Variants in COL18A1 observed in about 807,000 individuals in gnomAD.
The protein encoded by COL18A1 is collagen type XVIII alpha 1 chain.
COL18A1 carries 133 observed loss-of-function variants against 168.0 expected under a neutral mutation model. The observed-to-expected ratio is 0.79, with a 90% confidence interval of 0.69 to 0.91. The LOEUF (loss-of-function observed/expected upper bound fraction) is 0.91, where lower values mean the gene tolerates loss of function less well. Among genes scored for constraint, COL18A1 ranks in the 40% least tolerant of loss-of-function variants. COL18A1 has a pLI of 0.00. For missense variants in COL18A1, 2,126 were observed against 1,925.4 expected (o/e 1.10, Z -1.95); for synonymous variants, 949 against 809.0 (o/e 1.17, Z -2.94).
At chr21:45,510,364 C>A in intron 40 of COL18A1, 103 bp downstream of exon 40, 1 of 1,298,330 alleles carries the variant, frequency 7.7e-7, no homozygotes, top group Non-Finnish European at 1.1e-6. Context: ...TGGAGGCCAC[C>A]ATGTTACAGA....
chr21:45,510,115 C>T lies in COL18A1; in HGVS notation c.3547C>T (p.Arg1183Cys), dbSNP rs746594158. ...CCTGTCAGGCGGCATGCGGGGCATCCGCGGGGCCGACTTCCAGTGCTTCCA... is the reference window on the plus strand; with the variant it reads ...CCTGTCAGGCGGCATGCGGGGCATCTGCGGGGCCGACTTCCAGTGCTTCCA... Reference protein sequence around the residue: ...SPLSGGMRGIRGADFQCFQQA... With the variant: ...SPLSGGMRGICGADFQCFQQA... Residue 1183 changes from arginine (R) to cysteine (C), a missense_variant, in exon 40 of 42, where the codon CGC (arginine) becomes TGC (cysteine). By Grantham distance (180) the Arg-to-Cys change is radical (BLOSUM62 -3). Coordinates refer to ENST00000651438, the MANE Select transcript of COL18A1 (RefSeq NM_001379500.1). 3.6e-5 allele frequency: 58 copies of T among 1,596,166 alleles called. No homozygotes were observed. The highest frequency in any genetic ancestry group is 5.1e-5 in the Admixed American group (3 of 58,516).
At chr21:45,441,225 C>T (rs1408303150) in intron 2 of COL18A1, among the ~76,000 whole-genome samples, 1 of 152,196 alleles carries the variant, frequency 6.6e-6, no homozygotes, top group Non-Finnish European at 1.5e-5. Flanking sequence ...CCTGCGTGGC[C>T]CTGGTCCCTC....
In COL18A1 at chr21:45,458,513, C is replaced by T. The variant is rs1013033000; in HGVS notation, c.107-9729C>T. ...AGATTCCTGGGTCCCACTCATCCTC[C>T]GTCCCTGGAACACCCAAATGCCCAG... On this transcript the variant is annotated intron_variant, in intron 2 of 41. Transcript: ENST00000651438. Among the ~76,000 whole-genome samples, 24 of 152,244 alleles carry T rather than the reference C, an allele frequency of 1.6e-4. No homozygotes were observed. The East Asian group carries it at 3.3e-3, about 21-fold the overall frequency.
At position 45,457,002 on chromosome 21, in the gene COL18A1, C is replaced by T. The variant is rs951652136; in HGVS notation, c.107-11240C>T. On this transcript the variant is annotated intron_variant, in intron 2 of 41. Coordinates refer to ENST00000651438, the MANE Select transcript of COL18A1 (RefSeq NM_001379500.1). The surrounding 1 kb of genome is among the most constrained non-coding windows in gnomAD (Gnocchi z 4.6). ...CATCGAATCTCTACGTTCAGGGGCC[C>T]GTGGCCCTCGGGAGGTGGGAGAGCT... 17 of 829,736 alleles carry T rather than the reference C, an allele frequency of 2.0e-5. No individual in the cohort carries two copies. The highest frequency in any genetic ancestry group is 3.6e-5 in the African/African-American group (2 of 55,162). 51.4% of individuals were successfully genotyped at this position (829,736 alleles called of 1,614,324 possible). A position where few individuals can be genotyped will look rare whatever the true frequency, so the allele number is the denominator to read the frequency against.
intron 4 of COL18A1, among the ~76,000 whole-genome samples, chr21:45,475,131 GGAGCATC>G (rs2035601438): frequency 6.6e-6 from 1 of 152,234 alleles, no homozygotes; most frequent in African/African-American, 2.4e-5. Context: ...ACCTGTGCGG[GGAGCATC>G]TGCGGTGCGG....
chr21:45,499,731 A>G (rs530269519), intron 32 of COL18A1, among the ~76,000 whole-genome samples: 2 of 152,336 alleles, frequency 1.3e-5, no homozygotes, highest in South Asian at 4.1e-4. Flanking sequence ...TTGGACGGTG[A>G]GGTTGGAGAG....
At chr21:45,455,882 GCC>G (rs1360899254) in intron 2 of COL18A1, 1 of 1,612,972 alleles carries the variant, frequency 6.2e-7, no homozygotes, top group Admixed American at 1.7e-5. Flanking sequence ...CCTGAACGTG[GCC>G]AAAGGCATCC....
chr21:45,436,545 C>G (rs559615009), intron 2 of COL18A1, among the ~76,000 whole-genome samples: 2 of 152,296 alleles, frequency 1.3e-5, no homozygotes, highest in East Asian at 1.9e-4. Context: ...GCGCCTGTGC[C>G]TCAGGCCACG....
intron 31 of COL18A1, 104 bp downstream of exon 31, chr21:45,497,196 C>T (rs1427057807): frequency 1.2e-6 from 1 of 814,878 alleles, no homozygotes; most frequent in Non-Finnish European, 2.1e-6. Flanking sequence ...CCCAGTGGCC[C>T]AAGGCCAGTG....
chr21:45,486,954 C>T lies in COL18A1; in HGVS notation c.1795C>T (p.Pro599Ser). 1 of 1,494,672 alleles carries T rather than the reference C, an allele frequency of 6.7e-7. No homozygotes were observed. Among genetic ancestry groups the T allele is most frequent in the South Asian group, 1.3e-5 (1 of 76,888 alleles). 92.6% of individuals were successfully genotyped at this position (1,494,672 alleles called of 1,614,324 possible). The change falls in exon 16 of 42, where the codon CCC (proline) becomes TCC (serine). Residue 599 changes from proline (P) to serine (S), a missense_variant. Coordinates refer to ENST00000651438, the MANE Select transcript of COL18A1 (RefSeq NM_001379500.1). Reference sequence around the variant, plus strand: ...TGCTGGACCACCAGGCCCCCCTGGGCCCCCTGGGCCCCCAGGACCAGGACT... The same window carrying T: ...TGCTGGACCACCAGGCCCCCCTGGGTCCCCTGGGCCCCCAGGACCAGGACT... ...GPAGPPGPPGPPGPPGPGLPA... is the reference protein window; with the variant it reads ...GPAGPPGPPGSPGPPGPGLPA...
intron 20 of COL18A1, 55 bp from the exon 21 acceptor site, chr21:45,490,781 G>T: frequency 1.3e-6 from 2 of 1,527,928 alleles, no homozygotes; most frequent in South Asian, 1.2e-5. Flanking sequence ...CCTCACGGGG[G>T]GCCAGGGGCT....
intron 2 of COL18A1, among the ~76,000 whole-genome samples, chr21:45,441,205 A>G (rs114092116): frequency 0.022 from 3,352 of 152,220 alleles, 138 homozygotes; most frequent in African/African-American, 0.076. Flanking sequence ...CCCTACACAC[A>G]GAGGCTGCTC....
Position 45,405,465 on chromosome 21 carries a change from C to T in COL18A1, c.98C>T (p.Ala33Val), listed in dbSNP as rs2123483884. Residue 33 changes from alanine to valine, a missense_variant, in exon 2 of 42, where the codon GCG becomes GTG. Ala to Val is a moderately conservative substitution (Grantham distance 64). Transcript: ENST00000651438. ...VLLLGVRAAS[A>V]EPERISEEVG... ...CTGCTCGGGGTCCGCGCGGCCTCCG[C>T]GGAGCCAGGTAAGACCCGGGCGGGA... is the stretch of plus-strand genomic sequence containing the variant. 6.5e-6 allele frequency: 9 copies of T among 1,376,028 alleles called. No homozygotes were observed. Among genetic ancestry groups the T allele is most frequent in the Non-Finnish European group, 8.5e-6 (9 of 1,056,486 alleles). 85.2% of individuals were successfully genotyped at this position (1,376,028 alleles called of 1,614,324 possible).
rs751655707 is a variant in COL18A1, at chr21:45,496,378, G to A, written c.2509-122G>A. ...AGTGACCCACTGCATTCTCGGTTTTGCCTGGTCAGAGGTCTGCCTGGTCAG... is the reference window on the plus strand; with the variant it reads ...AGTGACCCACTGCATTCTCGGTTTTACCTGGTCAGAGGTCTGCCTGGTCAG... On this transcript the variant is annotated intron_variant, in intron 29 of 41. Coordinates refer to ENST00000651438, the MANE Select transcript of COL18A1 (RefSeq NM_001379500.1). 4 of 766,586 alleles carry A rather than the reference G, an allele frequency of 5.2e-6. No individual in the cohort carries two copies. The African/African-American group carries it at 6.8e-5, about 13-fold the overall frequency. The allele number at this position is 766,586 out of a possible 1,614,324, so 47.5% of individuals were successfully genotyped here.
intron 2 of COL18A1, among the ~76,000 whole-genome samples, chr21:45,452,913 G>C (rs1403631006): frequency 6.6e-6 from 1 of 151,926 alleles, no homozygotes; most frequent in Non-Finnish European, 1.5e-5. Flanking sequence ...GTATGTACAT[G>C]TGTGTGAGTA....
At chr21:45,497,129 C>T in intron 31 of COL18A1, 37 bp downstream of exon 31, 2 of 1,354,678 alleles carry the variant, frequency 1.5e-6, no homozygotes, top group South Asian at 2.3e-5. Context: ...GACACAGGCT[C>T]TGAAGGGATG....
chr21:45,445,210 C>T (rs562939352), intron 2 of COL18A1, among the ~76,000 whole-genome samples: 4 of 152,192 alleles, frequency 2.6e-5, no homozygotes, highest in East Asian at 1.9e-4. Flanking sequence ...AACCATGGAA[C>T]GTGTGGTCGT....
At chr21:45,408,831 C>T (rs1270352398) in intron 2 of COL18A1, among the ~76,000 whole-genome samples, 2 of 152,204 alleles carry the variant, frequency 1.3e-5, no homozygotes, top group African/African-American at 4.8e-5. Context: ...CACCCTGGAA[C>T]TCTCCAGGTG....
Position 45,495,595 on chromosome 21 carries a change from C to T in COL18A1, c.2508+163C>T, listed in dbSNP as rs571686981. The T allele has an allele frequency of 7.2e-6, 4 of 556,778 alleles. No individual in the cohort carries two copies. In the African/African-American group the frequency reaches 1.5e-4, roughly 21 times the overall value. 34.5% of individuals were successfully genotyped at this position (556,778 alleles called of 1,614,324 possible). On this transcript the variant is annotated intron_variant, in intron 29 of 41. Coordinates refer to ENST00000651438, the MANE Select transcript of COL18A1 (RefSeq NM_001379500.1). Reference sequence around the variant, plus strand: ...CATGCCATACCCATGCACAGTCATACATGTCCACACACGCACACGTGTGCC... The same window carrying T: ...CATGCCATACCCATGCACAGTCATATATGTCCACACACGCACACGTGTGCC...
Sources: allele counts gnomAD v4.1 joint callset (sites outside exome capture counted in the v4.1 genomes callset), GRCh38; gene constraint gnomAD v4.1.1; non-coding constraint Gnocchi (gnomAD v3.1); transcripts MANE v1.5; gene names NCBI Gene and HGNC (gene_info 2026-07-23, HGNC 2026-07-21).